Variants in PYCR1 observed in about 807,000 individuals in gnomAD.
PYCR1 encodes pyrroline-5-carboxylate reductase 1, mitochondrial.
A neutral mutation model predicts 22.9 loss-of-function variants in PYCR1; 19 were observed. The observed-to-expected ratio is 0.83, with a 90% confidence interval of 0.58 to 1.22. The LOEUF (loss-of-function observed/expected upper bound fraction) is 1.22. Ranked by LOEUF, PYCR1 falls within the 50% of genes most tolerant of loss-of-function variation. The pLI is 0.00. For missense variants in PYCR1, 429 were observed against 431.3 expected, an observed-to-expected ratio of 0.99 and a Z score of 0.05; for synonymous variants, 175 against 180.5, an observed-to-expected ratio of 0.97 and a Z score of 0.24.
intron 2 of PYCR1, 112 bp from the exon 3 acceptor site, chr17:81,935,628 A>AG: frequency 2.1e-6 from 1 of 474,178 alleles, no homozygotes; most frequent in Non-Finnish European, 4.1e-6. Flanking sequence ...GGGGGTGGGC[A>AG]GGGCTGGGGG....
In PYCR1 at chr17:81,935,125, G is replaced by C. The variant is rs777214731; in HGVS notation, c.341C>G (p.Ala114Gly). The C allele has an allele frequency of 1.9e-6, 3 of 1,608,600 alleles. No homozygotes were observed. The highest frequency in any genetic ancestry group is 2.5e-6 in the Non-Finnish European group (3 of 1,179,874). ...GGTCATGCAGCGGATGACCCTGGGG[G>C]CTGGCCGAAACGCTGACAGCTTCTG... ...IEKKLSAFRPAPRVIRCMTNT... is the reference protein window; with the variant it reads ...IEKKLSAFRPGPRVIRCMTNT... The change falls in exon 4 of 7, where the codon GCC becomes GGC. Residue 114 changes from alanine (A) to glycine (G), a missense_variant. Ala to Gly is a moderately conservative substitution (Grantham distance 60, BLOSUM62 0). Transcript: ENST00000329875.
At chr17:81,934,228 A>G in intron 6 of PYCR1, 98 bp downstream of exon 6, 1 of 1,530,688 alleles carries the variant, frequency 6.5e-7, no homozygotes, top group Non-Finnish European at 8.9e-7. Flanking sequence ...GGAGCTCAAT[A>G]CGTATCTGCT....
rs765980530 is a variant in PYCR1 at position 81,934,908 on chromosome 17, T to C, written c.540+18A>G. ...CCGGGAAGTGCCCGCCGCCGCCAGCTTCCCCCGCAGTCCTTACGTAGGCGG... is the reference window on the plus strand; with the variant it reads ...CCGGGAAGTGCCCGCCGCCGCCAGCCTCCCCCGCAGTCCTTACGTAGGCGG... On this transcript the variant is annotated intron_variant, in intron 4 of 6. Coordinates refer to ENST00000329875, the MANE Select transcript of PYCR1 (RefSeq NM_006907.4). 6.2e-6 allele frequency: 10 copies of C among 1,609,734 alleles called. No homozygotes were observed. Among genetic ancestry groups the C allele is most frequent in the African/African-American group, 1.3e-5 (1 of 74,964 alleles).
chr17:81,935,608 T>G, intron 2 of PYCR1, 92 bp from the exon 3 acceptor site: 59 of 707,478 alleles, frequency 8.3e-5, no homozygotes, highest in East Asian at 3.9e-4. Context: ...GCACAGAGAA[T>G]GCTGGAGTTG....
intron 5 of PYCR1, 23 bp from the exon 6 acceptor site, chr17:81,934,512 C>T (rs753254285): frequency 1.1e-5 from 17 of 1,581,286 alleles, no homozygotes; most frequent in East Asian, 4.6e-5. Flanking sequence ...GAAAGGCTGA[C>T]GGCTGTGGGC....
chr17:81,934,281 A>G (rs368154128), intron 6 of PYCR1, 45 bp downstream of exon 6: 6 of 1,609,260 alleles, frequency 3.7e-6, no homozygotes, highest in Non-Finnish European at 5.1e-6. Context: ...GGCCTCTGCC[A>G]TGCAAGGACT....
chr17:81,935,441 G>A lies in PYCR1; in HGVS notation c.214C>T (p.Pro72Ser), dbSNP rs2041157891. Residue 72 changes from proline (P) to serine (S), a missense_variant, in exon 3 of 7, where the codon CCA (proline) becomes TCA (serine). Pro to Ser is a moderately conservative substitution (Grantham distance 74). Transcript: ENST00000329875. The part of the protein sequence containing the change: ...HSDVLFLAVK[P>S]HIIPFILDEI... ...TCCAGGATGAAGGGGATGATGTGTG[G>A]CTTCACAGCCAGGAAGAGCACATCA... 1 of 1,613,534 alleles carries A rather than the reference G, an allele frequency of 6.2e-7. No individual in the cohort carries two copies. Among genetic ancestry groups the A allele is most frequent in the Non-Finnish European group, 8.5e-7 (1 of 1,179,912 alleles).
In PYCR1 at chr17:81,933,150, C is replaced by G. The variant is rs1232739540; in HGVS notation, c.*64G>C. ...CAGAAAGTGGGCCACTTTGGGGACC[C>G]CCTAGTCCCCCTAGTGACAAGAGAA... On this transcript the variant is annotated 3_prime_UTR_variant, in exon 7 of 7. Transcript: ENST00000329875. 3.1e-6 allele frequency: 5 copies of G among 1,609,410 alleles called. No individual in the cohort carries two copies. Among genetic ancestry groups the G allele is most frequent in the African/African-American group, 1.3e-5 (1 of 74,908 alleles).
chr17:81,936,979 T>C lies in PYCR1; in HGVS notation c.-165A>G, dbSNP rs1055081206. The C allele has an allele frequency of 2.4e-5, 36 of 1,488,192 alleles. No homozygotes were observed. The highest frequency in any genetic ancestry group is 2.9e-5 in the Non-Finnish European group (33 of 1,119,814). 92.2% of individuals were successfully genotyped at this position (1,488,192 alleles called of 1,614,324 possible). On this transcript the variant is annotated 5_prime_UTR_variant, in exon 1 of 7. Transcript: ENST00000329875. ...TCCCAGCTGGTCTAACTTTCCACTT[T>C]GCTGTCCGGCCCGTTAACTGCTTCG...
At position 81,937,225 on chromosome 17, in the gene PYCR1, G is replaced by C. The variant is rs756251168; in HGVS notation, c.-411C>G. 4.1e-6 allele frequency: 6 copies of C among 1,469,556 alleles called. No individual in the cohort carries two copies. The South Asian group carries it at 5.3e-5, about 13-fold the overall frequency. The allele number at this position is 1,469,556 out of a possible 1,614,324, so 91.0% of individuals were successfully genotyped here. A position where few individuals can be genotyped will look rare whatever the true frequency, so the allele number is the denominator to read the frequency against. On this transcript the variant is annotated 5_prime_UTR_variant, in exon 1 of 7. Transcript: ENST00000329875. ...CCGCCGCCCACCATTCCCGGAGCCC[G>C]ACCCCAACCCAGCTACCGTGCGCGG...
chr17:81,935,210 C>A, intron 3 of PYCR1, 63 bp from the exon 4 acceptor site: 1 of 1,564,822 alleles, frequency 6.4e-7, no homozygotes, highest in African/African-American at 1.3e-5. Flanking sequence ...ACTCACCCCA[C>A]CAAGCAGTGC....
intron 2 of PYCR1, 141 bp from the exon 3 acceptor site, chr17:81,935,657 C>G (rs1223899910): frequency 2.6e-6 from 2 of 771,028 alleles, no homozygotes; most frequent in African/African-American, 3.5e-5. Context: ...TCTGACCACC[C>G]CCTTGATGAC....
At position 81,933,039 on chromosome 17, in the gene PYCR1, T is replaced by A; in HGVS notation, c.*175A>T. 6.3e-7 allele frequency: 1 copy of A among 1,578,456 alleles called. No individual in the cohort carries two copies. Among genetic ancestry groups the A allele is most frequent in the Non-Finnish European group, 8.6e-7 (1 of 1,166,346 alleles). On this transcript the variant is annotated 3_prime_UTR_variant, in exon 7 of 7. Transcript: ENST00000329875. ...ACCCCTGTTCTGGGCTGGGAAGCAC[T>A]TGCAGACCACAGAGATTTCCAGTGG...
chr17:81,933,281 G>C lies in PYCR1; in HGVS notation c.893C>G (p.Thr298Ser). 6.2e-7 allele frequency: 1 copy of C among 1,614,036 alleles called. No individual in the cohort carries two copies. Among genetic ancestry groups the C allele is most frequent in the Admixed American group, 1.7e-5 (1 of 60,016 alleles). Residue 298 changes from threonine to serine, a missense_variant, in exon 7 of 7, where the codon ACC becomes AGC. Transcript: ENST00000329875. ...DKVKLDSPAG[T>S]ALSPSGHTKL... ...GGTGTGGCCAGAAGGTGACAGAGCG[G>C]TCCCTGCAGGGGAGTCCAGCTTCAC...
intron 4 of PYCR1, 21 bp from the exon 5 acceptor site, chr17:81,934,766 G>A (rs755614785): frequency 1.9e-6 from 3 of 1,545,410 alleles, no homozygotes; most frequent in Admixed American, 3.9e-5. Flanking sequence ...AAGGCACCCT[G>A]AGCCTCTCTC....
chr17:81,935,642 A>G (rs2041166908), intron 2 of PYCR1, 126 bp from the exon 3 acceptor site: 5 of 865,776 alleles, frequency 5.8e-6, no homozygotes, highest in Non-Finnish European at 9.3e-6. Context: ...CTGGGGGCTC[A>G]GGGCTCTGAC....
At chr17:81,934,621 G>A in intron 5 of PYCR1, 32 bp downstream of exon 5, 1 of 1,551,642 alleles carries the variant, frequency 6.4e-7, no homozygotes, top group African/African-American at 1.4e-5. Context: ...CGCAAAGAGT[G>A]GCCCCACCAG....
At chr17:81,935,761 C>G (rs1217308067) in intron 2 of PYCR1, among the ~76,000 whole-genome samples, 1 of 152,214 alleles carries the variant, frequency 6.6e-6, no homozygotes, top group Non-Finnish European at 1.5e-5. Flanking sequence ...CAATCTGCCC[C>G]CAGCCTGGGA....
rs758139342 is a variant in PYCR1, at chr17:81,933,213, G to A, written c.*1C>T. 5 of 1,613,874 alleles carry A rather than the reference G, an allele frequency of 3.1e-6. No individual in the cohort carries two copies. Among genetic ancestry groups the A allele is most frequent in the Non-Finnish European group, 2.5e-6 (3 of 1,179,974 alleles). ...GCAGGATGGTGGTCAGGCAGGACGT[G>A]TCAATCCTTGCCCGCTGGGGCCAGG... On this transcript the variant is annotated 3_prime_UTR_variant, in exon 7 of 7. Transcript: ENST00000329875.
Sources: gnomAD v4.1 joint callset for allele counts (sites outside exome capture counted in the v4.1 genomes callset) on GRCh38, gnomAD v4.1.1 for gene constraint, MANE v1.5 for transcripts, NCBI Gene and HGNC (gene_info 2026-07-23, HGNC 2026-07-21) for gene names.